The following HRG variants were observed in gnomAD, a reference collection of about 807,000 sequenced individuals.
The protein encoded by HRG is histidine-rich glycoprotein.
HRG carries 26 observed loss-of-function variants against 29.5 expected under a neutral mutation model. The observed-to-expected ratio is 0.88, with a 90% confidence interval of 0.65 to 1.22. The LOEUF is 1.22. Among genes scored for constraint, HRG ranks in the 50% most tolerant of loss-of-function variants. The pLI is 0.00. For missense variants in HRG, 671 were observed against 654.5 expected, an observed-to-expected ratio of 1.03 and a Z score of -0.28; for synonymous variants, 243 against 240.4, an observed-to-expected ratio of 1.01 and a Z score of -0.10.
At position 186,678,223 on chromosome 3, in the gene HRG, G is replaced by A. The variant is rs966601377; in HGVS notation, c.*340G>A. 1.3e-5 allele frequency: 4 copies of A among 304,702 alleles called. No homozygotes were observed. The highest frequency in any genetic ancestry group is 6.5e-5 in the African/African-American group (3 of 45,984). 18.9% of individuals were successfully genotyped at this position (304,702 alleles called of 1,614,324 possible). A position where few individuals can be genotyped will look rare whatever the true frequency, so the allele number is the denominator to read the frequency against. ...TACCTGGGCATACTAATAAAGTATG[G>A]TATTGAAACTATTGTTATCATTTAT... On this transcript the variant is annotated 3_prime_UTR_variant, in exon 7 of 7. Transcript: ENST00000232003.
At chr3:186,671,553 C>T in intron 3 of HRG, 70 bp from the exon 4 acceptor site, 2 of 1,485,314 alleles carry the variant, frequency 1.3e-6, no homozygotes, top group Non-Finnish European at 9.4e-7. Flanking sequence ...AAGTTATTGT[C>T]ATTCTTGCCA....
intron 3 of HRG, 21 bp from the exon 4 acceptor site, chr3:186,671,602 A>G: frequency 6.2e-7 from 1 of 1,612,168 alleles, no homozygotes; most frequent in Non-Finnish European, 8.5e-7. Context: ...TTACTGTGAC[A>G]CTGCTATCTT....
At chr3:186,675,972 C>G (rs758210004) in intron 6 of HRG, among the ~76,000 whole-genome samples, 1 of 147,154 alleles carries the variant, frequency 6.8e-6, no homozygotes, top group Non-Finnish European at 1.5e-5. Context: ...TGGGTTCAAG[C>G]GATTCTCCTG....
chr3:186,673,604 T>C (rs1283666034), intron 5 of HRG: 1 of 153,038 alleles, frequency 6.5e-6, no homozygotes, highest in Non-Finnish European at 1.5e-5. Context: ...TAGTTAGAAC[T>C]ATAGCAGTTC....
chr3:186,674,680 A>C (rs1275115681), intron 5 of HRG: 2 of 337,548 alleles, frequency 5.9e-6, no homozygotes, highest in Non-Finnish European at 1.2e-5. Flanking sequence ...CTCCTGTCCA[A>C]CACTTTCCTC....
chr3:186,669,907 C>T (rs762019364), intron 2 of HRG, 31 bp from the exon 3 acceptor site: 19 of 1,142,386 alleles, frequency 1.7e-5, no homozygotes, highest in African/African-American at 1.5e-5. Context: ...TGCAATGACT[C>T]AGCAAGTCCT....
intron 1 of HRG, 61 bp from the exon 2 acceptor site, chr3:186,668,874 A>AT (rs1033809731): frequency 1.9e-4 from 117 of 614,212 alleles, no homozygotes; most frequent in Non-Finnish European, 2.7e-4. Context: ...GCTTTAATAC[A>AT]TAAAAAAAAA....
At chr3:186,667,995 AG>A (rs1376765572) in intron 1 of HRG, among the ~76,000 whole-genome samples, 1 of 152,330 alleles carries the variant, frequency 6.6e-6, no homozygotes, top group Non-Finnish European at 1.5e-5. Flanking sequence ...GGAGTACTAC[AG>A]AGGACAATTT....
At position 186,672,737 on chromosome 3, in the gene HRG, T is replaced by TC. The variant is rs774765581; in HGVS notation, c.559-48dup. The TC allele has an allele frequency of 4.4e-5, 55 of 1,238,610 alleles. No homozygotes were observed. In the African/African-American group the frequency reaches 5.7e-4, roughly 13 times the overall value. 76.7% of individuals were successfully genotyped at this position (1,238,610 alleles called of 1,614,324 possible). ...ATGGTAGTTATCTACTGCTTTTTTT[T>TC]CCTTTTTCTTTGTCTGTTCTTGAAA... On this transcript the variant is annotated intron_variant, in intron 4 of 6. Transcript: ENST00000232003.
At chr3:186,667,254 G>A (rs1195577955) in intron 1 of HRG, 3 of 152,184 alleles carry the variant, frequency 2.0e-5, no homozygotes, top group Non-Finnish European at 1.5e-5. Flanking sequence ...TGTCTTTATG[G>A]CCAGCTCCTA....
At chr3:186,669,792 G>A (rs1718728926) in intron 2 of HRG, 146 bp from the exon 3 acceptor site, 1 of 695,910 alleles carries the variant, frequency 1.4e-6, no homozygotes, top group Non-Finnish European at 2.6e-6. Flanking sequence ...AGAAAATGCA[G>A]GGTTTGAGAC....
intron 6 of HRG, 83 bp downstream of exon 6, chr3:186,675,273 C>T: frequency 4.0e-6 from 3 of 745,940 alleles, no homozygotes; most frequent in Admixed American, 1.9e-5. Context: ...CTTCCTAAAG[C>T]TCTATGAGTG....
At chr3:186,674,204 T>TA (rs1197114448) in intron 5 of HRG, 1 of 152,126 alleles carries the variant, frequency 6.6e-6, no homozygotes, top group Non-Finnish European at 1.5e-5. Flanking sequence ...CTCCCTCCCC[T>TA]ACTCCTATGG....
intron 3 of HRG, 78 bp from the exon 4 acceptor site, chr3:186,671,545 G>T (rs568227924): frequency 9.0e-6 from 13 of 1,445,798 alleles, no homozygotes; most frequent in Non-Finnish European, 1.3e-5. Flanking sequence ...TAAAATGAAA[G>T]TTATTGTCAT....
intron 6 of HRG, 112 bp downstream of exon 6, chr3:186,675,302 T>TGAGAGAGA (rs766618968): frequency 0.031 from 17,408 of 558,766 alleles, 398 homozygotes; most frequent in Non-Finnish European, 0.036. Flanking sequence ...TGTGTGTGTG[T>TGAGAGAGA]GTGTGTGAGA....
At chr3:186,668,301 T>C (rs1477614697) in intron 1 of HRG, among the ~76,000 whole-genome samples, 4 of 152,138 alleles carry the variant, frequency 2.6e-5, no homozygotes, top group South Asian at 2.1e-4. Flanking sequence ...CCTGGGTTAG[T>C]GGGAGTCAGG....
At position 186,678,210 on chromosome 3, in the gene HRG, C is replaced by G; in HGVS notation, c.*327C>G. 3.0e-6 allele frequency: 1 copy of G among 331,042 alleles called. No individual in the cohort carries two copies. The highest frequency in any genetic ancestry group is 5.7e-6 in the Non-Finnish European group (1 of 176,144). The allele number at this position is 331,042 out of a possible 1,614,324, so 20.5% of individuals were successfully genotyped here. A position where few individuals can be genotyped will look rare whatever the true frequency, so the allele number is the denominator to read the frequency against. On this transcript the variant is annotated 3_prime_UTR_variant, in exon 7 of 7. Coordinates refer to ENST00000232003, the MANE Select transcript of HRG (RefSeq NM_000412.5). Reference sequence around the variant, plus strand: ...ACTGCTTGGGCTATACCTGGGCATACTAATAAAGTATGGTATTGAAACTAT... The same window carrying G: ...ACTGCTTGGGCTATACCTGGGCATAGTAATAAAGTATGGTATTGAAACTAT...
At chr3:186,674,665 A>G in intron 5 of HRG, 2 of 328,720 alleles carry the variant, frequency 6.1e-6, no homozygotes, top group Non-Finnish European at 1.2e-5. Flanking sequence ...TGCTATACAG[A>G]TGCCCTCCTG....
Position 186,678,175 on chromosome 3 carries a change from A to G in HRG, c.*292A>G. The G allele has an allele frequency of 2.5e-6, 1 of 399,534 alleles. No homozygotes were observed. The highest frequency in any genetic ancestry group is 4.6e-6 in the Non-Finnish European group (1 of 215,872). The allele number at this position is 399,534 out of a possible 1,614,324, so 24.7% of individuals were successfully genotyped here. A position where few individuals can be genotyped will look rare whatever the true frequency, so the allele number is the denominator to read the frequency against. On this transcript the variant is annotated 3_prime_UTR_variant, in exon 7 of 7. Coordinates refer to ENST00000232003, the MANE Select transcript of HRG (RefSeq NM_000412.5). ...TTCCTGGACTTAACTCTAATTCTAG[A>G]GTCTCTGTTACTGCTTGGGCTATAC...
Sources: allele counts gnomAD v4.1 joint callset (sites outside exome capture counted in the v4.1 genomes callset), GRCh38; gene constraint gnomAD v4.1.1; transcripts MANE v1.5; gene names NCBI Gene and HGNC (gene_info 2026-07-23, HGNC 2026-07-21).